Variants in CDH18 observed in about 807,000 individuals in gnomAD.
CDH18 encodes cadherin-18.
In CDH18, 31 loss-of-function variants were observed where a neutral mutation model predicts 67.9. The observed-to-expected ratio is 0.46, with a 90% CI of 0.34 to 0.62. The LOEUF (loss-of-function observed/expected upper bound fraction) is 0.62. CDH18 is among the 20% of genes least tolerant of loss of function. The pLI, the probability that CDH18 is intolerant of heterozygous loss-of-function variation, is 0.01. For missense variants in CDH18, 890 were observed against 975.5 expected (o/e 0.91, Z 1.17); for synonymous variants, 362 against 347.2 (o/e 1.04, Z -0.48).
In CDH18 at chr5:20,449,950, C is replaced by T. The variant is rs186524818; in HGVS notation, c.-580+125512G>A. Reference sequence around the variant, plus strand: ...TGAAGTTTCAGTCTGATAATATTTCCAGAAACAATTTTGAAAATCAACACA... The same window carrying T: ...TGAAGTTTCAGTCTGATAATATTTCTAGAAACAATTTTGAAAATCAACACA... On this transcript the variant is annotated intron_variant, in intron 1 of 14. Transcript: ENST00000507958. Among the ~76,000 whole-genome samples, 16 of 151,580 alleles carry T rather than the reference C, an allele frequency of 1.1e-4. No homozygotes were observed. The East Asian group carries it at 2.5e-3, about 24-fold the overall frequency.
chr5:20,562,847 C>T (rs1284026681), intron 1 of CDH18, among the ~76,000 whole-genome samples: 1 of 151,888 alleles, frequency 6.6e-6, no homozygotes, highest in Non-Finnish European at 1.5e-5. Flanking sequence ...ACTTCTACAT[C>T]TTTAACATGG....
At chr5:19,554,014 G>C (rs1737931187) in intron 8 of CDH18, among the ~76,000 whole-genome samples, 1 of 151,972 alleles carries the variant, frequency 6.6e-6, no homozygotes, top group African/African-American at 2.4e-5. Flanking sequence ...GATTCCCTTT[G>C]TTAACATTGG....
At chr5:20,478,899 C>G (rs1460955950) in intron 1 of CDH18, among the ~76,000 whole-genome samples, 1 of 152,184 alleles carries the variant, frequency 6.6e-6, no homozygotes, top group East Asian at 1.9e-4. Flanking sequence ...TCAGATGACT[C>G]AGCTCAGAAA....
intron 1 of CDH18, among the ~76,000 whole-genome samples, chr5:20,472,098 A>G (rs1294810467): frequency 2.6e-5 from 4 of 152,150 alleles, no homozygotes; most frequent in South Asian, 2.1e-4. Context: ...AATTTATGGA[A>G]TAGTTTTTTC....
chr5:19,755,431 G>A (rs12655714), intron 3 of CDH18, among the ~76,000 whole-genome samples: 68,899 of 76,516 alleles, frequency 0.9, 31,021 homozygotes, highest in Non-Finnish European at 0.99. Context: ...AACAGGGTAT[G>A]TATATATATA....
chr5:20,017,728 G>C (rs1195970078), intron 2 of CDH18, among the ~76,000 whole-genome samples: 1 of 152,106 alleles, frequency 6.6e-6, no homozygotes, highest in Admixed American at 6.5e-5. Flanking sequence ...GCCAGAAAGG[G>C]AATCACTAGG....
At chr5:19,837,579 T>A (rs886915121) in intron 3 of CDH18, among the ~76,000 whole-genome samples, 1 of 152,098 alleles carries the variant, frequency 6.6e-6, no homozygotes, top group African/African-American at 2.4e-5. Flanking sequence ...AATATGCATA[T>A]GAGAATATGA....
At chr5:20,239,167 C>A (rs1243399511) in intron 2 of CDH18, among the ~76,000 whole-genome samples, 1 of 152,150 alleles carries the variant, frequency 6.6e-6, no homozygotes, top group Admixed American at 6.5e-5. Flanking sequence ...ATAAAATGCT[C>A]CAGTAGGCCG....
At chr5:20,264,923 C>T (rs1466128564) in intron 1 of CDH18, among the ~76,000 whole-genome samples, 4 of 151,890 alleles carry the variant, frequency 2.6e-5, no homozygotes, top group Non-Finnish European at 5.9e-5. Flanking sequence ...TGACTAGTTT[C>T]CCAAGAATGA....
chr5:20,353,183 C>A (rs1175746300), intron 1 of CDH18, among the ~76,000 whole-genome samples: 1 of 152,148 alleles, frequency 6.6e-6, no homozygotes, highest in Non-Finnish European at 1.5e-5. Context: ...ACAGCCTCCA[C>A]TTTGCTTTTC....
intron 1 of CDH18, among the ~76,000 whole-genome samples, chr5:20,458,423 G>A (rs1304349512): frequency 6.6e-6 from 1 of 152,116 alleles, no homozygotes; most frequent in Non-Finnish European, 1.5e-5. Context: ...TTCGAGACCA[G>A]CCTGACCAAC....
intron 1 of CDH18, among the ~76,000 whole-genome samples, chr5:20,318,740 G>A (rs1377165233): frequency 1.3e-5 from 2 of 152,100 alleles, no homozygotes; most frequent in Non-Finnish European, 2.9e-5. Flanking sequence ...AGAGCCATGA[G>A]CCAATTAAAT....
intron 2 of CDH18, among the ~76,000 whole-genome samples, chr5:20,235,714 T>C (rs1742427018): frequency 1.3e-5 from 2 of 152,190 alleles, no homozygotes; most frequent in Non-Finnish European, 2.9e-5. Context: ...GAGAGTAGTT[T>C]GGAGATATCT....
intron 9 of CDH18, among the ~76,000 whole-genome samples, chr5:19,531,079 T>A (rs1380638746): frequency 6.6e-6 from 1 of 152,208 alleles, no homozygotes; most frequent in Non-Finnish European, 1.5e-5. Context: ...GAGCTGTTCC[T>A]ATTTGGCCAT....
chr5:20,061,271 A>T (rs200637263), intron 2 of CDH18, among the ~76,000 whole-genome samples: 1 of 151,992 alleles, frequency 6.6e-6, no homozygotes, highest in Non-Finnish European at 1.5e-5. Flanking sequence ...CTCCACAAAA[A>T]TTATTTAGAA....
Position 19,870,538 on chromosome 5 carries a change from G to T in CDH18, c.-256-31296C>A, listed in dbSNP as rs1180829258. Among the ~76,000 whole-genome samples, 4 of 152,008 alleles carry T rather than the reference G, an allele frequency of 2.6e-5. No individual in the cohort carries two copies. In the East Asian group the frequency reaches 5.8e-4, roughly 22 times the overall value. ...TCTATAGAGTATCCTTATGTTATAA[G>T]ATGCTGAGACTTCCCCAAATGCTTG... On this transcript the variant is annotated intron_variant, in intron 2 of 12. Transcript: ENST00000382275.
intron 2 of CDH18, among the ~76,000 whole-genome samples, chr5:20,069,338 G>T (rs1271524589): frequency 6.6e-6 from 1 of 151,884 alleles, no homozygotes; most frequent in Non-Finnish European, 1.5e-5. Context: ...AGGCTTCTTG[G>T]TCAGTTTATG....
chr5:20,439,916 T>TA (rs1225013289), intron 1 of CDH18, among the ~76,000 whole-genome samples: 2 of 151,746 alleles, frequency 1.3e-5, no homozygotes, highest in African/African-American at 4.9e-5. Context: ...TATTGAAAGG[T>TA]AAAAAGAATA....
intron 3 of CDH18, among the ~76,000 whole-genome samples, 170 bp downstream of exon 3, chr5:19,838,589 C>T (rs1431111226): frequency 6.6e-6 from 1 of 152,096 alleles, no homozygotes; most frequent in Non-Finnish European, 1.5e-5. Context: ...TTTCTTTTTA[C>T]AATAATTATT....
Sources: allele counts gnomAD v4.1 joint callset (sites outside exome capture counted in the v4.1 genomes callset), GRCh38; gene constraint gnomAD v4.1.1; transcripts MANE v1.5; gene names NCBI Gene and HGNC (gene_info 2026-07-23, HGNC 2026-07-21).